PSENEN: variants seen among roughly 807,000 people sequenced by gnomAD.
PSENEN encodes the protein gamma-secretase subunit PEN-2.
PSENEN carries 4 observed loss-of-function variants against 15.4 expected under a neutral mutation model. That is an observed-to-expected ratio of 0.26 (90% CI 0.13 to 0.59). The LOEUF (loss-of-function observed/expected upper bound fraction) is 0.59. PSENEN is among the 20% of genes least tolerant of loss of function. PSENEN has a pLI of 0.89. For synonymous variants in PSENEN, 42 were observed against 46.5 expected, an observed-to-expected ratio of 0.90 and a Z score of 0.39; for missense variants, 112 against 120.3, an observed-to-expected ratio of 0.93 and a Z score of 0.32.
chr19:35,746,420 G>A lies in PSENEN; in HGVS notation c.63G>A (p.Gly21=), dbSNP rs190650975. Residue 21 remains glycine, a splice_region_variant and synonymous_variant, in exon 3 of 4, where the codon GGG becomes GGA. Transcript: ENST00000587708. ...TTGTTTGTTTTTCTTTCTCCCTAGG[G>A]GGGTTTGCTTTCCTGCCTTTTCTCT... The part of the protein sequence containing the change: ...KLNLCRKYYL[G]GFAFLPFLWL... 6.2e-7 allele frequency: 1 copy of A among 1,612,308 alleles called. No individual in the cohort carries two copies. The highest frequency in any genetic ancestry group is 8.5e-7 in the Non-Finnish European group (1 of 1,178,862).
chr19:35,746,056 G>C, intron 2 of PSENEN, 65 bp downstream of exon 2: 5 of 1,489,780 alleles, frequency 3.4e-6, no homozygotes, highest in Non-Finnish European at 4.7e-6. Flanking sequence ...CGAGGGAAGA[G>C]GGCCTCGGGG....
In PSENEN at chr19:35,745,814, A is replaced by G; in HGVS notation, c.-96-21A>G. ...TTTCAGCAAACCGACCTTTACATTT[A>G]TCTCTGATTTGTTCTAATAGGGGCG... On this transcript the variant is annotated intron_variant, in intron 1 of 3. Coordinates refer to ENST00000587708, the MANE Select transcript of PSENEN (RefSeq NM_172341.4). 4 of 1,056,694 alleles carry G rather than the reference A, an allele frequency of 3.8e-6. No homozygotes were observed. In the Admixed American group the frequency reaches 6.8e-5, roughly 18 times the overall value. The allele number at this position is 1,056,694 out of a possible 1,614,324, so 65.5% of individuals were successfully genotyped here. A position where few individuals can be genotyped will look rare whatever the true frequency, so the allele number is the denominator to read the frequency against.
Position 35,746,788 on chromosome 19 carries a change from C to G in PSENEN, c.247C>G (p.Pro83Ala). Residue 83 changes from proline to alanine, a missense_variant, in exon 4 of 4, where the codon CCC becomes GCC. Coordinates refer to ENST00000587708, the MANE Select transcript of PSENEN (RefSeq NM_172341.4). ...GATCACCATCTTCCAGATCTACCGG[C>G]CCCGCTGGGGTGCCCTTGGGGACTA... ...SWITIFQIYRPRWGALGDYLS... is the reference protein window; with the variant it reads ...SWITIFQIYRARWGALGDYLS... 1.9e-6 allele frequency: 3 copies of G among 1,614,094 alleles called. No individual in the cohort carries two copies. The highest frequency in any genetic ancestry group is 2.5e-6 in the Non-Finnish European group (3 of 1,180,008).
In PSENEN at chr19:35,746,792, G is replaced by A. The variant is rs145741019; in HGVS notation, c.251G>A (p.Arg84His). ...WITIFQIYRP[R>H]WGALGDYLSF... is the part of the protein sequence containing the mutation. The stretch of plus-strand genomic sequence containing the variant: ...ACCATCTTCCAGATCTACCGGCCCC[G>A]CTGGGGTGCCCTTGGGGACTACCTC... The change falls in exon 4 of 4, where the codon CGC becomes CAC. Residue 84 changes from arginine (R) to histidine (H), a missense_variant. Transcript: ENST00000587708. The A allele has an allele frequency of 1.9e-5, 31 of 1,613,890 alleles. No individual in the cohort carries two copies. Among genetic ancestry groups the A allele is most frequent in the Admixed American group, 6.7e-5 (4 of 59,984 alleles).
chr19:35,746,984 A>C lies in PSENEN; in HGVS notation c.*137A>C. The C allele has an allele frequency of 1.2e-6, 1 of 833,366 alleles. No homozygotes were observed. The highest frequency in any genetic ancestry group is 1.8e-6 in the Non-Finnish European group (1 of 547,996). 51.6% of individuals were successfully genotyped at this position (833,366 alleles called of 1,614,324 possible). On this transcript the variant is annotated 3_prime_UTR_variant, in exon 4 of 4. Transcript: ENST00000587708. Reference sequence around the variant, plus strand: ...CCACGTTCTCTGCTGACATCCCCCAATAAAGGACCCTAACTTTCGATACTG... The same window carrying C: ...CCACGTTCTCTGCTGACATCCCCCACTAAAGGACCCTAACTTTCGATACTG...
chr19:35,746,880 C>G lies in PSENEN; in HGVS notation c.*33C>G. On this transcript the variant is annotated 3_prime_UTR_variant, in exon 4 of 4. Coordinates refer to ENST00000587708, the MANE Select transcript of PSENEN (RefSeq NM_172341.4). ...TGCACATACTGGGGCCCTGCTTATT[C>G]TCCCAGGACAGGCTCCTTAAAGCAG... 2 of 1,611,682 alleles carry G rather than the reference C, an allele frequency of 1.2e-6. No individual in the cohort carries two copies. The highest frequency in any genetic ancestry group is 1.7e-6 in the Non-Finnish European group (2 of 1,178,654).
In PSENEN at chr19:35,747,030, G is replaced by C; in HGVS notation, c.*183G>C. 1 of 587,364 alleles carries C rather than the reference G, an allele frequency of 1.7e-6. No homozygotes were observed. Among genetic ancestry groups the C allele is most frequent in the South Asian group, 2.4e-5 (1 of 42,120 alleles). The allele number at this position is 587,364 out of a possible 1,614,324, so 36.4% of individuals were successfully genotyped here. On this transcript the variant is annotated 3_prime_UTR_variant, in exon 4 of 4. Transcript: ENST00000587708. ...TACTGACTTCCTGGGATCTTTTAGA[G>C]GTTGAGGCATAAATGATTATTAATA...
At position 35,747,131 on chromosome 19, in the gene PSENEN, A is replaced by T. The variant is rs1970600855; in HGVS notation, c.*284A>T. 2 of 289,660 alleles carry T rather than the reference A, an allele frequency of 6.9e-6. No individual in the cohort carries two copies. The highest frequency in any genetic ancestry group is 1.7e-4 in the South Asian group (2 of 11,500). The allele number at this position is 289,660 out of a possible 1,614,324, so 17.9% of individuals were successfully genotyped here. A position where few individuals can be genotyped will look rare whatever the true frequency, so the allele number is the denominator to read the frequency against. ...ATGTACATTTTTTACAGTGCATACT[A>T]CTCATAATCTTCTGAACTAGGAACT... On this transcript the variant is annotated 3_prime_UTR_variant, in exon 4 of 4. Coordinates refer to ENST00000587708, the MANE Select transcript of PSENEN (RefSeq NM_172341.4).
intron 1 of PSENEN, 57 bp downstream of exon 1, chr19:35,745,757 C>T (rs1970548351): frequency 2.0e-5 from 15 of 731,904 alleles, no homozygotes; most frequent in Non-Finnish European, 2.9e-5. Flanking sequence ...TTTAATCCAG[C>T]CAGCTTACTA....
intron 3 of PSENEN, 39 bp downstream of exon 3, chr19:35,746,562 G>A: frequency 6.2e-7 from 1 of 1,602,810 alleles, no homozygotes; most frequent in South Asian, 1.1e-5. Context: ...CAGTGGCAGG[G>A]GAGAGGGGGA....
At position 35,745,901 on chromosome 19, in the gene PSENEN, C is replaced by T. The variant is rs749987848; in HGVS notation, c.-30C>T. On this transcript the variant is annotated 5_prime_UTR_variant, in exon 2 of 4. Coordinates refer to ENST00000587708, the MANE Select transcript of PSENEN (RefSeq NM_172341.4). ...CAAGGCTTGGGTCTTGCCCCGCAGA[C>T]CCTTGGGACGACCCGGCCCCAGCGC... 1 of 1,612,960 alleles carries T rather than the reference C, an allele frequency of 6.2e-7. No homozygotes were observed. The highest frequency in any genetic ancestry group is 1.7e-5 in the Admixed American group (1 of 60,026).
intron 2 of PSENEN, 28 bp from the exon 3 acceptor site, chr19:35,746,391 T>G: frequency 6.5e-7 from 1 of 1,537,154 alleles, no homozygotes; most frequent in African/African-American, 1.4e-5. Context: ...GTTTTGGGGT[T>G]TGTTTGTTTG....
chr19:35,746,352 G>C (rs1568399780), intron 2 of PSENEN, 67 bp from the exon 3 acceptor site: 1 of 1,315,240 alleles, frequency 7.6e-7, no homozygotes, highest in East Asian at 2.3e-5. Context: ...CTCGGTGGGA[G>C]TTGGAGAAGA....
Position 35,746,906 on chromosome 19 carries a change from A to C in PSENEN, c.*59A>C. The C allele has an allele frequency of 6.5e-7, 1 of 1,548,388 alleles. No homozygotes were observed. The highest frequency in any genetic ancestry group is 8.7e-7 in the Non-Finnish European group (1 of 1,147,254). ...TCCCAGGACAGGCTCCTTAAAGCAGAGGAGCCTGTCCTGGGAGCCCCTTCT... is the reference window on the plus strand; with the variant it reads ...TCCCAGGACAGGCTCCTTAAAGCAGCGGAGCCTGTCCTGGGAGCCCCTTCT... On this transcript the variant is annotated 3_prime_UTR_variant, in exon 4 of 4. Coordinates refer to ENST00000587708, the MANE Select transcript of PSENEN (RefSeq NM_172341.4).
chr19:35,745,672 A>T lies in PSENEN; in HGVS notation c.-125A>T, dbSNP rs1377133311. 1 of 617,068 alleles carries T rather than the reference A, an allele frequency of 1.6e-6. No individual in the cohort carries two copies. The highest frequency in any genetic ancestry group is 1.8e-5 in the African/African-American group (1 of 54,130). The allele number at this position is 617,068 out of a possible 1,614,324, so 38.2% of individuals were successfully genotyped here. On this transcript the variant is annotated 5_prime_UTR_variant, in exon 1 of 4. Coordinates refer to ENST00000587708, the MANE Select transcript of PSENEN (RefSeq NM_172341.4). ...GTCCATAACTGAAAGTAGCTAAGGC[A>T]CCCCAGCCGGAGGAAGTGAGCTCTC...
chr19:35,745,925 G>T lies in PSENEN; in HGVS notation c.-6G>T. ...ACCCTTGGGACGACCCGGCCCCAGCGCAGCTATGAACCTGGAGCGAGTGTC... is the reference window on the plus strand; with the variant it reads ...ACCCTTGGGACGACCCGGCCCCAGCTCAGCTATGAACCTGGAGCGAGTGTC... On this transcript the variant is annotated 5_prime_UTR_variant, in exon 2 of 4. Transcript: ENST00000587708. The T allele has an allele frequency of 6.2e-7, 1 of 1,614,088 alleles. No homozygotes were observed. Among genetic ancestry groups the T allele is most frequent in the Non-Finnish European group, 8.5e-7 (1 of 1,180,006 alleles).
In PSENEN at chr19:35,746,939, C is replaced by G. The variant is rs565395395; in HGVS notation, c.*92C>G. The G allele has an allele frequency of 1.5e-6, 2 of 1,354,566 alleles. No individual in the cohort carries two copies. The highest frequency in any genetic ancestry group is 1.5e-5 in the African/African-American group (1 of 67,144). The allele number at this position is 1,354,566 out of a possible 1,614,324, so 83.9% of individuals were successfully genotyped here. A position where few individuals can be genotyped will look rare whatever the true frequency, so the allele number is the denominator to read the frequency against. On this transcript the variant is annotated 3_prime_UTR_variant, in exon 4 of 4. Coordinates refer to ENST00000587708, the MANE Select transcript of PSENEN (RefSeq NM_172341.4). Reference sequence around the variant, plus strand: ...GTCCTGGGAGCCCCTTCTCAAACTCCTAAGACTTGTTTTCATGTCCCACGT... The same window carrying G: ...GTCCTGGGAGCCCCTTCTCAAACTCGTAAGACTTGTTTTCATGTCCCACGT...
rs1025964129 is a variant in PSENEN, at chr19:35,745,680, C to T, written c.-117C>T. ...CTGAAAGTAGCTAAGGCACCCCAGC[C>T]GGAGGAAGTGAGCTCTCCTGGTGAG... On this transcript the variant is annotated 5_prime_UTR_variant, in exon 1 of 4. Transcript: ENST00000587708. The T allele has an allele frequency of 4.9e-6, 3 of 616,998 alleles. No individual in the cohort carries two copies. Among genetic ancestry groups the T allele is most frequent in the Non-Finnish European group, 8.6e-6 (3 of 350,116 alleles). 38.2% of individuals were successfully genotyped at this position (616,998 alleles called of 1,614,324 possible). A position where few individuals can be genotyped will look rare whatever the true frequency, so the allele number is the denominator to read the frequency against.
chr19:35,747,213 CT>C lies in PSENEN; in HGVS notation c.*371del. 1 of 152,674 alleles carries C rather than the reference CT, an allele frequency of 6.5e-6. No individual in the cohort carries two copies. Among genetic ancestry groups the C allele is most frequent in the Non-Finnish European group, 1.4e-5 (1 of 72,958 alleles). The allele number at this position is 152,674 out of a possible 1,614,324, so 9.5% of individuals were successfully genotyped here. ...TAAGAAAGGAATAGTGCTTCCATTT[CT>C]TTTTCTTTTTTCTTTTTTTTTTTTT... On this transcript the variant is annotated 3_prime_UTR_variant, in exon 4 of 4. Transcript: ENST00000587708.
Sources: allele counts gnomAD v4.1 joint callset, GRCh38; gene constraint gnomAD v4.1.1; transcripts MANE v1.5; gene names NCBI Gene and HGNC (gene_info 2026-07-23, HGNC 2026-07-21).